Variants in IGSF3 observed in about 807,000 individuals in gnomAD.
IGSF3 encodes glu-Trp-Ile EWI motif-containing protein 3.
In IGSF3, 23 loss-of-function variants were observed where a neutral mutation model predicts 114.4. The observed-to-expected ratio is 0.20, with a 90% confidence interval of 0.14 to 0.28. IGSF3 has a LOEUF of 0.28. Ranked by LOEUF, IGSF3 falls within the 10% of genes least tolerant of loss-of-function variation. IGSF3 has a pLI of 1.00. For synonymous variants in IGSF3, 571 were observed against 645.2 expected (o/e 0.88, Z 1.74); for missense variants, 1,172 against 1,591.5 (o/e 0.74, Z 4.48).
At position 116,618,010 on chromosome 1, in the gene IGSF3, A is replaced by T. The variant is rs551198297; in HGVS notation, c.44-1553T>A. ...TGGATCCAGCTGGTGAACAGCCGGGACAGCTCAATACTAGTGGAGTGCAGC... is the reference window on the plus strand; with the variant it reads ...TGGATCCAGCTGGTGAACAGCCGGGTCAGCTCAATACTAGTGGAGTGCAGC... On this transcript the variant is annotated intron_variant, in intron 2 of 10. Coordinates refer to ENST00000369486, the MANE Select transcript of IGSF3 (RefSeq NM_001007237.3). The surrounding 1 kb of genome is among the most constrained non-coding windows in gnomAD (Gnocchi z 4.7). Among the ~76,000 whole-genome samples, 8 of 152,362 alleles carry T rather than the reference A, an allele frequency of 5.3e-5. No homozygotes were observed. The South Asian group carries it at 1.0e-3, about 20-fold the overall frequency.
Position 116,651,991 on chromosome 1 carries a change from T to C in IGSF3, c.43+14293A>G, listed in dbSNP as rs1482928921. On this transcript the variant is annotated intron_variant, in intron 2 of 10. Coordinates refer to ENST00000369486, the MANE Select transcript of IGSF3 (RefSeq NM_001007237.3). This position sits in a 1 kb window ranked among gnomAD's most constrained non-coding sequence, Gnocchi z 4.4. ...ACACATCATATATTTGTTAAATGTA[T>C]TGATTAGTGTTACAACAGACAATTG... Among the ~76,000 whole-genome samples the C allele has an allele frequency of 6.6e-6, 1 of 152,220 alleles. No individual in the cohort carries two copies. The highest frequency in any genetic ancestry group is 1.5e-5 in the Non-Finnish European group (1 of 68,034).
chr1:116,641,561 G>GAAAGAAA (rs1557882358), intron 2 of IGSF3, among the ~76,000 whole-genome samples: 58 of 108,482 alleles, frequency 5.3e-4, no homozygotes, highest in African/African-American at 1.6e-3. Flanking sequence ...AAAGAAAGAA[G>GAAAGAAA]GAAAGAAAGA....
rs568202221 is a variant in IGSF3, at chr1:116,596,327, T to G, written c.2029+3614A>C. On this transcript the variant is annotated intron_variant, in intron 7 of 10. Coordinates refer to ENST00000369486, the MANE Select transcript of IGSF3 (RefSeq NM_001007237.3). The surrounding 1 kb of genome is among the most constrained non-coding windows in gnomAD (Gnocchi z 4.1). Reference sequence around the variant, plus strand: ...TAAAACGGGGGTAGCAGGGGACATTTCTATGGAAGACACCAGAGCAGGGCT... The same window carrying G: ...TAAAACGGGGGTAGCAGGGGACATTGCTATGGAAGACACCAGAGCAGGGCT... Among the ~76,000 whole-genome samples, 57 of 152,292 alleles carry G rather than the reference T, an allele frequency of 3.7e-4. No homozygotes were observed. The highest frequency in any genetic ancestry group is 1.3e-3 in the African/African-American group (54 of 41,558).
chr1:116,579,639 C>T lies in IGSF3; in HGVS notation c.3087G>A (p.Glu1029=). 2 of 1,612,870 alleles carry T rather than the reference C, an allele frequency of 1.2e-6. No individual in the cohort carries two copies. Among genetic ancestry groups the T allele is most frequent in the Non-Finnish European group, 1.7e-6 (2 of 1,179,498 alleles). The change falls in exon 10 of 11, where the codon GAG becomes GAA. Residue 1029 remains glutamate (E), a synonymous_variant. Transcript: ENST00000369486. This position sits in a 1 kb window ranked among gnomAD's most constrained non-coding sequence, Gnocchi z 6.4. ...GGCCCACGCTCAGCAGGGCCGTCCG[C>T]TCTGTTGGGTCGTCGTCGTCGTCGT... ...EDDDDDDDPT[E]RTALLSVGPD...
chr1:116,643,598 TG>T (rs996336904), intron 2 of IGSF3, among the ~76,000 whole-genome samples: 8 of 152,192 alleles, frequency 5.3e-5, no homozygotes, highest in Non-Finnish European at 8.8e-5. Context: ...GAGGTCCTCC[TG>T]GGGATGCAGG....
rs568237102 is a variant in IGSF3 at position 116,647,879 on chromosome 1, G to A, written c.43+18405C>T. 1.5e-4 allele frequency among the ~76,000 whole-genome samples: 23 copies of A among 152,310 alleles called. No homozygotes were observed. The highest frequency in any genetic ancestry group is 4.8e-4 in the African/African-American group (20 of 41,558). On this transcript the variant is annotated intron_variant, in intron 2 of 10. Transcript: ENST00000369486. This position sits in a 1 kb window ranked among gnomAD's most constrained non-coding sequence, Gnocchi z 4.6. ...AGCACTTTGGGAGGCCAAGGCGGGCGGATCACCTGAGGTCAGGAGTTCAAG... is the reference window on the plus strand; with the variant it reads ...AGCACTTTGGGAGGCCAAGGCGGGCAGATCACCTGAGGTCAGGAGTTCAAG...
chr1:116,659,686 C>G lies in IGSF3; in HGVS notation c.43+6598G>C, dbSNP rs1056601058. Among the ~76,000 whole-genome samples, 22 of 152,094 alleles carry G rather than the reference C, an allele frequency of 1.4e-4. 1 individual carries two copies. Among genetic ancestry groups the G allele is most frequent in the South Asian group, 4.1e-4 (2 of 4,826 alleles). ...CTAGAGTGCAGTAGTGCAATTACAGCTCACTGTAGCCTCAACCTTCTGGGC... is the reference window on the plus strand; with the variant it reads ...CTAGAGTGCAGTAGTGCAATTACAGGTCACTGTAGCCTCAACCTTCTGGGC... On this transcript the variant is annotated intron_variant, in intron 2 of 10. Coordinates refer to ENST00000369486, the MANE Select transcript of IGSF3 (RefSeq NM_001007237.3).
At position 116,655,315 on chromosome 1, in the gene IGSF3, A is replaced by G. The variant is rs576516428; in HGVS notation, c.43+10969T>C. Among the ~76,000 whole-genome samples the G allele has an allele frequency of 2.0e-5, 3 of 152,334 alleles. 1 individual carries two copies. The highest frequency in any genetic ancestry group is 4.1e-4 in the South Asian group (2 of 4,832). On this transcript the variant is annotated intron_variant, in intron 2 of 10. Transcript: ENST00000369486. The surrounding 1 kb of genome is among the most constrained non-coding windows in gnomAD (Gnocchi z 4.3). ...ACCCCCAGAGGTCTCAGGACAAGGG[A>G]TAGAAAGTCAAACACTGATGTTTAA...
chr1:116,660,204 T>C (rs1649053003), intron 2 of IGSF3, among the ~76,000 whole-genome samples: 1 of 152,240 alleles, frequency 6.6e-6, no homozygotes, highest in South Asian at 2.1e-4. Context: ...CTTTGCATTA[T>C]CAGGACTTAA....
intron 2 of IGSF3, among the ~76,000 whole-genome samples, chr1:116,659,170 C>T (rs967522965): frequency 8.6e-5 from 13 of 151,988 alleles, no homozygotes; most frequent in African/African-American, 2.9e-4. Context: ...ATTATAGATG[C>T]GGAAGACATA....
rs891887652 is a variant in IGSF3, at chr1:116,614,992, C to T, written c.422-817G>A. Among the ~76,000 whole-genome samples the T allele has an allele frequency of 9.3e-5, 14 of 151,142 alleles. No homozygotes were observed. Among genetic ancestry groups the T allele is most frequent in the Non-Finnish European group, 1.5e-4 (10 of 67,786 alleles). ...GGTCTTACGGGTCTCCTGCTGGGAA[C>T]GGCCAAGTGCGGTGGCTCACACCTA... is the stretch of plus-strand genomic sequence containing the variant. On this transcript the variant is annotated intron_variant, in intron 3 of 10. Coordinates refer to ENST00000369486, the MANE Select transcript of IGSF3 (RefSeq NM_001007237.3). The surrounding 1 kb of genome is among the most constrained non-coding windows in gnomAD (Gnocchi z 4.5).
Position 116,615,064 on chromosome 1 carries a change from C to T in IGSF3, c.422-889G>A, listed in dbSNP as rs1661166553. On this transcript the variant is annotated intron_variant, in intron 3 of 10. Transcript: ENST00000369486. This position sits in a 1 kb window ranked among gnomAD's most constrained non-coding sequence, Gnocchi z 4.3. ...GTGAGGGAGGCGGATCACCTGAGGT[C>T]GGGAGTTCGAGACCAGCCTGACCAA... is the stretch of plus-strand genomic sequence containing the variant. Among the ~76,000 whole-genome samples, 2 of 151,940 alleles carry T rather than the reference C, an allele frequency of 1.3e-5. No individual in the cohort carries two copies. The highest frequency in any genetic ancestry group is 6.6e-5 in the Admixed American group (1 of 15,264).
At chr1:116,645,148 T>C (rs1243200911) in intron 2 of IGSF3, among the ~76,000 whole-genome samples, 1 of 152,164 alleles carries the variant, frequency 6.6e-6, no homozygotes, top group Non-Finnish European at 1.5e-5. Context: ...ATGTGGTATA[T>C]CCATAAAACG....
At chr1:116,604,734 G>A (rs17036042) in intron 5 of IGSF3, among the ~76,000 whole-genome samples, 12,589 of 152,166 alleles carry the variant, frequency 0.083, 607 homozygotes, top group East Asian at 0.13. Flanking sequence ...TCTCTTTCTA[G>A]AAACATTTGG....
chr1:116,645,178 AAAGGCGTG>A (rs1350398149), intron 2 of IGSF3, among the ~76,000 whole-genome samples: 1 of 152,274 alleles, frequency 6.6e-6, no homozygotes, highest in Non-Finnish European at 1.5e-5. Context: ...TCAGCAATAA[AAAGGCGTG>A]AACTAGATAT....
rs1660413613 is a variant in IGSF3 at position 116,598,021 on chromosome 1, T to C, written c.2029+1920A>G. On this transcript the variant is annotated intron_variant, in intron 7 of 10. Transcript: ENST00000369486. The surrounding 1 kb of genome is among the most constrained non-coding windows in gnomAD (Gnocchi z 4.3). The stretch of plus-strand genomic sequence containing the variant: ...CATATTTTTCCCTGTCTGCCTTTAG[T>C]AACACCATAAACTAATCCAAATAAT... 1.3e-5 allele frequency among the ~76,000 whole-genome samples: 2 copies of C among 152,254 alleles called. No homozygotes were observed. The highest frequency in any genetic ancestry group is 1.3e-4 in the Admixed American group (2 of 15,294).
chr1:116,621,936 C>G (rs1191894986), intron 2 of IGSF3, among the ~76,000 whole-genome samples: 1 of 152,158 alleles, frequency 6.6e-6, no homozygotes, highest in African/African-American at 2.4e-5. Flanking sequence ...ATAAACCTGG[C>G]TAGGGGCAGG....
At chr1:116,587,484 A>G (rs1030719717) in intron 8 of IGSF3, among the ~76,000 whole-genome samples, 1 of 135,882 alleles carries the variant, frequency 7.4e-6, no homozygotes, top group African/African-American at 2.6e-5. Flanking sequence ...TGACAGAACA[A>G]TAAGTACAAA....
At chr1:116,611,114 G>T (rs1220142963) in intron 4 of IGSF3, among the ~76,000 whole-genome samples, 5 of 152,046 alleles carry the variant, frequency 3.3e-5, no homozygotes, top group African/African-American at 7.3e-5. Context: ...TTTTCTACCT[G>T]GTCTCTTGGC....
Sources: gnomAD v4.1 joint callset for allele counts (sites outside exome capture counted in the v4.1 genomes callset) on GRCh38, gnomAD v4.1.1 for gene constraint, Gnocchi (gnomAD v3.1) non-coding constraint, MANE v1.5 for transcripts, NCBI Gene and HGNC (gene_info 2026-07-23, HGNC 2026-07-21) for gene names.